BRSK1: variants seen among roughly 807,000 people sequenced by gnomAD.
BRSK1 encodes the protein serine/threonine-protein kinase BRSK1.
Under a neutral mutation model 86.2 loss-of-function variants are expected in BRSK1, and 17 were observed. The ratio of observed to expected loss-of-function variants is 0.20; its 90% CI spans 0.14 to 0.30. The LOEUF (loss-of-function observed/expected upper bound fraction) is 0.30. Ranked by LOEUF, BRSK1 falls within the 10% of genes least tolerant of loss-of-function variation. The pLI is 1.00. For missense variants in BRSK1, 719 were observed against 1,071.9 expected (o/e 0.67, Z 4.60); for synonymous variants, 464 against 440.1 (o/e 1.05, Z -0.68).
chr19:55,303,575 A>G lies in BRSK1; in HGVS notation c.1127-92A>G. ...ATTTATCAAATCCCCTCTCCACTCT[A>G]GGCCTGTTTCCCCATGTGTGCAGTT... is the stretch of plus-strand genomic sequence containing the variant. On this transcript the variant is annotated intron_variant, in intron 11 of 18. Transcript: ENST00000309383. This position sits in a 1 kb window ranked among gnomAD's most constrained non-coding sequence, Gnocchi z 5.1. The G allele has an allele frequency of 2.0e-6, 3 of 1,519,900 alleles. No homozygotes were observed. Among genetic ancestry groups the G allele is most frequent in the Non-Finnish European group, 2.7e-6 (3 of 1,117,034 alleles). 94.2% of individuals were successfully genotyped at this position (1,519,900 alleles called of 1,614,324 possible).
rs1325145583 is a variant in BRSK1, at chr19:55,304,401, C to T, written c.1348-150C>T. 2 of 1,054,106 alleles carry T rather than the reference C, an allele frequency of 1.9e-6. No homozygotes were observed. Among genetic ancestry groups the T allele is most frequent in the Admixed American group, 3.1e-5 (1 of 31,820 alleles). 65.3% of individuals were successfully genotyped at this position (1,054,106 alleles called of 1,614,324 possible). A position where few individuals can be genotyped will look rare whatever the true frequency, so the allele number is the denominator to read the frequency against. The stretch of plus-strand genomic sequence containing the variant: ...AGCATGATAGAAAGTCTTTGCTATC[C>T]TTGCTCTGGGGCCTGGGAAGGAGGA... On this transcript the variant is annotated intron_variant, in intron 13 of 18. Transcript: ENST00000309383. The surrounding 1 kb of genome is among the most constrained non-coding windows in gnomAD (Gnocchi z 5.2).
At chr19:55,288,515 A>C (rs371123789) in intron 3 of BRSK1, among the ~76,000 whole-genome samples, 55 of 151,910 alleles carry the variant, frequency 3.6e-4, no homozygotes, top group South Asian at 2.7e-3. Flanking sequence ...ACAACAACAA[A>C]AAAAAATGGT....
chr19:55,305,057 G>C (rs1438453141), intron 14 of BRSK1, 137 bp downstream of exon 14: 12 of 1,367,886 alleles, frequency 8.8e-6, no homozygotes, highest in East Asian at 2.4e-5. Flanking sequence ...AGAAGAGGGG[G>C]TTTGAAGCAG....
intron 7 of BRSK1, among the ~76,000 whole-genome samples, chr19:55,297,836 C>T (rs965068768): frequency 2.0e-5 from 3 of 152,226 alleles, no homozygotes; most frequent in South Asian, 2.1e-4. Context: ...CATTTTGAGA[C>T]GGAGTTTCGC....
In BRSK1 at chr19:55,287,001, C is replaced by T. The variant is rs561262950; in HGVS notation, c.137-6C>T. ...AACACCCCACATTTTCACCCTGCTC[C>T]TGCAGGGCTGGTTAAACTCGGGGTC... is the stretch of plus-strand genomic sequence containing the variant. On this transcript the variant is annotated splice_polypyrimidine_tract_variant and splice_region_variant and intron_variant, in intron 1 of 18. Coordinates refer to ENST00000309383, the MANE Select transcript of BRSK1 (RefSeq NM_032430.2). The surrounding 1 kb of genome is among the most constrained non-coding windows in gnomAD (Gnocchi z 5.3). 3.6e-5 allele frequency: 58 copies of T among 1,613,852 alleles called. 1 individual carries two copies. The Admixed American group carries it at 6.8e-4, about 19-fold the overall frequency.
intron 7 of BRSK1, among the ~76,000 whole-genome samples, chr19:55,297,193 C>T (rs2088501396): frequency 6.6e-6 from 1 of 152,030 alleles, no homozygotes; most frequent in East Asian, 2.0e-4. Flanking sequence ...TCTCCTGCCT[C>T]AGCCTCCCAA....
rs146476054 is a variant in BRSK1 at position 55,291,265 on chromosome 19, A to G, written c.458+1645A>G. On this transcript the variant is annotated intron_variant, in intron 4 of 18. Coordinates refer to ENST00000309383, the MANE Select transcript of BRSK1 (RefSeq NM_032430.2). ...TTAAAGATTTTTTTTTTGGCTGGGC[A>G]TGGTAGCACATGCCTGTAATCCCAG... Among the ~76,000 whole-genome samples the G allele has an allele frequency of 2.8e-4, 43 of 151,196 alleles. No individual in the cohort carries two copies. The East Asian group carries it at 8.2e-3, about 29-fold the overall frequency.
chr19:55,305,020 C>G (rs1014940802), intron 14 of BRSK1, 100 bp downstream of exon 14: 3 of 1,512,874 alleles, frequency 2.0e-6, no homozygotes, highest in Admixed American at 2.0e-5. Context: ...GAGGAAGGGA[C>G]TGGGGGCCTG....
Position 55,296,720 on chromosome 19 carries a change from C to T in BRSK1, c.678+2323C>T, listed in dbSNP as rs184625926. On this transcript the variant is annotated intron_variant, in intron 7 of 18. Transcript: ENST00000309383. The stretch of plus-strand genomic sequence containing the variant: ...AAAATTAGCCGGGAGTGGTGGCGGG[C>T]GCCTGTAGTCCCAGCTACTCGGGAG... Among the ~76,000 whole-genome samples the T allele has an allele frequency of 1.8e-3, 270 of 152,128 alleles. 4 individuals carry two copies. The East Asian group carries it at 0.047, about 27-fold the overall frequency.
At chr19:55,285,227 G>A (rs1321229050) in intron 1 of BRSK1, among the ~76,000 whole-genome samples, 1 of 139,220 alleles carries the variant, frequency 7.2e-6, no homozygotes, top group Non-Finnish European at 1.6e-5. Flanking sequence ...GGGCAGGGGT[G>A]CTGAACTCCT....
chr19:55,296,430 A>C (rs2088487831), intron 7 of BRSK1, among the ~76,000 whole-genome samples: 1 of 151,948 alleles, frequency 6.6e-6, no homozygotes, highest in Non-Finnish European at 1.5e-5. Context: ...GGGCGCAATG[A>C]CTCACGCCAG....
Position 55,302,227 on chromosome 19 carries a change from C to T in BRSK1, c.857+59C>T. 1 of 1,595,140 alleles carries T rather than the reference C, an allele frequency of 6.3e-7. No individual in the cohort carries two copies. The highest frequency in any genetic ancestry group is 8.6e-7 in the Non-Finnish European group (1 of 1,162,896). ...GGCGGAAATAGGGGAGGGGCCAAAG[C>T]AGTAGAAGCGGCTGGGAGGGGTGGG... On this transcript the variant is annotated intron_variant, in intron 9 of 18. Coordinates refer to ENST00000309383, the MANE Select transcript of BRSK1 (RefSeq NM_032430.2). The surrounding 1 kb of genome is among the most constrained non-coding windows in gnomAD (Gnocchi z 6.3).
chr19:55,294,101 G>T lies in BRSK1; in HGVS notation c.543G>T (p.Gln181His). The T allele has an allele frequency of 6.2e-7, 1 of 1,613,882 alleles. No individual in the cohort carries two copies. The change falls in exon 5 of 19, where the codon CAG becomes CAT. Residue 181 changes from glutamine (Q) to histidine (H), a missense_variant. Around this residue, in one of 6 missense-constraint regions of BRSK1, gnomAD observed 75 missense variants for 281.0 expected, o/e 0.27. Coordinates refer to ENST00000309383, the MANE Select transcript of BRSK1 (RefSeq NM_032430.2). This position sits in a 1 kb window ranked among gnomAD's most constrained non-coding sequence, Gnocchi z 4.9. ...RIADFGMASL[Q>H]VGDSLLETSC... ...CAGACTTCGGCATGGCGTCCCTGCA[G>T]GTGGGGGACAGCCTCCTGGAGACCA...
intron 7 of BRSK1, among the ~76,000 whole-genome samples, chr19:55,300,820 G>A (rs1331802152): frequency 6.6e-6 from 1 of 152,148 alleles, no homozygotes; most frequent in Non-Finnish European, 1.5e-5. Flanking sequence ...CAGCCTGGGC[G>A]ACAAGAGCGA....
rs2088814917 is a variant in BRSK1 at position 55,312,113 on chromosome 19, C to T, written c.*45C>T. 1.2e-6 allele frequency: 1 copy of T among 830,464 alleles called. No individual in the cohort carries two copies. The highest frequency in any genetic ancestry group is 1.8e-6 in the Non-Finnish European group (1 of 548,780). 51.4% of individuals were successfully genotyped at this position (830,464 alleles called of 1,614,324 possible). ...GAGGGGACCCCCCTCCACCCCCCTT[C>T]CGTGCCCCCCAACTGTGAATCTGTA... On this transcript the variant is annotated 3_prime_UTR_variant, in exon 19 of 19. Transcript: ENST00000309383.
In BRSK1 at chr19:55,287,109, C is replaced by G; in HGVS notation, c.231+8C>G. ...GAGTCGGTGCTGATGAAGGTGTGTG[C>G]GCCTGCTGCAGTGTGCCTGCGGGTG... is the stretch of plus-strand genomic sequence containing the variant. On this transcript the variant is annotated splice_region_variant and intron_variant, in intron 2 of 18. Coordinates refer to ENST00000309383, the MANE Select transcript of BRSK1 (RefSeq NM_032430.2). The surrounding 1 kb of genome is among the most constrained non-coding windows in gnomAD (Gnocchi z 5.3). The G allele has an allele frequency of 6.2e-7, 1 of 1,611,512 alleles. No homozygotes were observed. Among genetic ancestry groups the G allele is most frequent in the Non-Finnish European group, 8.5e-7 (1 of 1,179,172 alleles).
Position 55,297,542 on chromosome 19 carries a change from A to G in BRSK1, c.678+3145A>G, listed in dbSNP as rs572977530. Among the ~76,000 whole-genome samples the G allele has an allele frequency of 2.4e-3, 367 of 152,340 alleles. 4 individuals carry two copies. Among genetic ancestry groups the G allele is most frequent in the African/African-American group, 7.0e-3 (290 of 41,588 alleles). On this transcript the variant is annotated intron_variant, in intron 7 of 18. Transcript: ENST00000309383. Reference sequence around the variant, plus strand: ...GGCTACATAACGGATACTAAGGGCAATGAGGCCAGCTCCAAGCTGGCTTCC... The same window carrying G: ...GGCTACATAACGGATACTAAGGGCAGTGAGGCCAGCTCCAAGCTGGCTTCC...
At chr19:55,295,022 G>A (rs1187691974) in intron 7 of BRSK1, among the ~76,000 whole-genome samples, 3 of 152,158 alleles carry the variant, frequency 2.0e-5, no homozygotes, top group South Asian at 2.1e-4. Flanking sequence ...GGTTGGTTTC[G>A]AACTCCTGGC....
chr19:55,301,955 C>T (rs1211574273), intron 8 of BRSK1, 182 bp from the exon 9 acceptor site: 6 of 858,982 alleles, frequency 7.0e-6, no homozygotes, highest in Non-Finnish European at 1.2e-5. Flanking sequence ...TACACGGAGA[C>T]CGCGCGTGCG....
Sources: gnomAD v4.1 joint callset for allele counts (sites outside exome capture counted in the v4.1 genomes callset) on GRCh38, gnomAD v4.1.1 for gene constraint, gnomAD v4.1.1 regional missense constraint, Gnocchi (gnomAD v3.1) non-coding constraint, MANE v1.5 for transcripts, NCBI Gene and HGNC (gene_info 2026-07-23, HGNC 2026-07-21) for gene names.